The following GRM7 variants were observed in gnomAD, a reference collection of about 807,000 sequenced individuals.
The protein encoded by GRM7 is metabotropic glutamate receptor 7.
In GRM7, 35 loss-of-function variants were observed where a neutral mutation model predicts 84.5. The ratio of observed to expected loss-of-function variants is 0.41; its 90% CI spans 0.32 to 0.55. The LOEUF (loss-of-function observed/expected upper bound fraction) is 0.55. Among genes scored for constraint, GRM7 ranks in the 20% least tolerant of loss-of-function variants. The pLI, the probability that GRM7 is intolerant of heterozygous loss-of-function variation, is 0.19. For synonymous variants in GRM7, 487 were observed against 455.1 expected (o/e 1.07, Z -0.89); for missense variants, 1,003 against 1,194.6 (o/e 0.84, Z 2.36).
intron 1 of GRM7, among the ~76,000 whole-genome samples, chr3:6,914,243 C>T (rs1445467860): frequency 3.9e-5 from 6 of 152,106 alleles, no homozygotes; most frequent in African/African-American, 1.2e-4. Context: ...TGAAGTTCTT[C>T]AACTACTAAA....
At chr3:7,389,540 C>G (rs982922969) in intron 4 of GRM7, among the ~76,000 whole-genome samples, 3 of 152,098 alleles carry the variant, frequency 2.0e-5, no homozygotes, top group African/African-American at 7.2e-5. Context: ...AGTCCAGGTG[C>G]TCCAATGTTG....
intron 1 of GRM7, among the ~76,000 whole-genome samples, chr3:7,096,055 A>G (rs919832797): frequency 1.3e-5 from 2 of 152,118 alleles, no homozygotes; most frequent in African/African-American, 4.8e-5. Context: ...ATGTGAATCA[A>G]TTGTTTTATG....
At chr3:7,629,027 A>G (rs1385891332) in intron 8 of GRM7, among the ~76,000 whole-genome samples, 2 of 152,194 alleles carry the variant, frequency 1.3e-5, no homozygotes, top group African/African-American at 4.8e-5. Context: ...AATAATCTAG[A>G]AAAGGCACAA....
At chr3:7,347,575 A>G (rs527973424) in intron 4 of GRM7, among the ~76,000 whole-genome samples, 106 of 152,280 alleles carry the variant, frequency 7.0e-4, no homozygotes, top group Admixed American at 5.0e-3. Flanking sequence ...CGACCACAGT[A>G]TATTTTTGCC....
chr3:7,070,305 T>A (rs144184016), intron 1 of GRM7, among the ~76,000 whole-genome samples: 3 of 152,258 alleles, frequency 2.0e-5, no homozygotes, highest in African/African-American at 7.2e-5. Flanking sequence ...TGTTTAGAAT[T>A]TTCCAGGTAG....
intron 4 of GRM7, among the ~76,000 whole-genome samples, chr3:7,332,542 T>A (rs1444649384): frequency 6.6e-6 from 1 of 152,282 alleles, no homozygotes; most frequent in Non-Finnish European, 1.5e-5. Context: ...TCAGAATCAA[T>A]AACAACCAAG....
intron 1 of GRM7, among the ~76,000 whole-genome samples, chr3:6,876,195 G>A (rs1425687189): frequency 6.6e-6 from 1 of 151,828 alleles, no homozygotes; most frequent in African/African-American, 2.4e-5. Context: ...TTGAACCCGG[G>A]AGGCAGCGGT....
Position 6,863,488 on chromosome 3 carries a change from G to A in GRM7, c.519+1581G>A, listed in dbSNP as rs1257083692. Among the ~76,000 whole-genome samples the A allele has an allele frequency of 1.3e-5, 2 of 152,150 alleles. No homozygotes were observed. ...CCCATCCAAGGCTGCAGCTTGCATG[G>A]CCCCTCTGATCCTCTGAGCATCTCT... is the stretch of plus-strand genomic sequence containing the variant. On this transcript the variant is annotated intron_variant, in intron 1 of 9. Coordinates refer to ENST00000357716, the MANE Select transcript of GRM7 (RefSeq NM_000844.4). The surrounding 1 kb of genome is among the most constrained non-coding windows in gnomAD (Gnocchi z 4.8).
chr3:6,862,893 A>G lies in GRM7; in HGVS notation c.519+986A>G. On this transcript the variant is annotated intron_variant, in intron 1 of 9. Coordinates refer to ENST00000357716, the MANE Select transcript of GRM7 (RefSeq NM_000844.4). This position sits in a 1 kb window ranked among gnomAD's most constrained non-coding sequence, Gnocchi z 5.2. Reference sequence around the variant, plus strand: ...TCCGGTGCCGGAGGGAGACGGAGAAAAAATGGGAGGAAGGCGGATCCGGGG... The same window carrying G: ...TCCGGTGCCGGAGGGAGACGGAGAAGAAATGGGAGGAAGGCGGATCCGGGG... 2.4e-6 allele frequency: 1 copy of G among 416,144 alleles called. No homozygotes were observed. 25.8% of individuals were successfully genotyped at this position (416,144 alleles called of 1,614,324 possible). A position where few individuals can be genotyped will look rare whatever the true frequency, so the allele number is the denominator to read the frequency against.
chr3:7,273,223 A>C (rs1397618640), intron 2 of GRM7, among the ~76,000 whole-genome samples: 1 of 6,464 alleles, frequency 1.5e-4, no homozygotes, highest in Admixed American at 2.5e-3. Flanking sequence ...CAGACATTGT[A>C]TGATTTCTAA....
intron 7 of GRM7, among the ~76,000 whole-genome samples, chr3:7,554,683 C>G (rs1473750434): frequency 6.6e-6 from 1 of 152,144 alleles, no homozygotes; most frequent in African/African-American, 2.4e-5. Flanking sequence ...AGGTCCTGGG[C>G]TCCATTCAGT....
intron 1 of GRM7, among the ~76,000 whole-genome samples, chr3:6,877,487 C>A (rs1293150640): frequency 2.0e-5 from 3 of 152,114 alleles, no homozygotes; most frequent in Non-Finnish European, 4.4e-5. Context: ...ACCTGCCATC[C>A]CCTGCTACTC....
intron 1 of GRM7, among the ~76,000 whole-genome samples, chr3:6,988,846 A>G (rs1694524435): frequency 6.6e-6 from 1 of 152,154 alleles, no homozygotes; most frequent in Non-Finnish European, 1.5e-5. Flanking sequence ...CATATACACC[A>G]AAGGTAGGGT....
intron 8 of GRM7, among the ~76,000 whole-genome samples, chr3:7,642,347 G>C (rs144098703): frequency 3.9e-4 from 59 of 152,168 alleles, no homozygotes; most frequent in African/African-American, 1.3e-3. Context: ...AGTGGTAGAG[G>C]GAGAGGTAAG....
In GRM7 at chr3:6,862,079, G is replaced by T. The variant is rs564932971; in HGVS notation, c.519+172G>T. The stretch of plus-strand genomic sequence containing the variant: ...CTCGAGGAGATACCTTCCCTGCTTG[G>T]TTTATTTCCCTTCCATCTCTCCCCT... On this transcript the variant is annotated intron_variant, in intron 1 of 9. Coordinates refer to ENST00000357716, the MANE Select transcript of GRM7 (RefSeq NM_000844.4). The surrounding 1 kb of genome is among the most constrained non-coding windows in gnomAD (Gnocchi z 5.2). 6.6e-6 allele frequency among the ~76,000 whole-genome samples: 1 copy of T among 152,028 alleles called. No homozygotes were observed. The highest frequency in any genetic ancestry group is 2.1e-4 in the South Asian group (1 of 4,814).
intron 1 of GRM7, among the ~76,000 whole-genome samples, chr3:6,876,761 C>G (rs1451219041): frequency 6.6e-6 from 1 of 151,904 alleles, no homozygotes; most frequent in Non-Finnish European, 1.5e-5. Flanking sequence ...GTCACCACGC[C>G]CAGCTAATTT....
intron 1 of GRM7, among the ~76,000 whole-genome samples, chr3:6,873,069 A>G (rs1367032840): frequency 1.3e-5 from 2 of 151,544 alleles, no homozygotes; most frequent in African/African-American, 4.9e-5. Context: ...ACTAATTTTC[A>G]CTCCCACCAA....
intron 9 of GRM7, among the ~76,000 whole-genome samples, chr3:7,730,779 C>T (rs2106526624): frequency 6.6e-6 from 1 of 152,266 alleles, no homozygotes; most frequent in South Asian, 2.1e-4. Flanking sequence ...GATTGCACTG[C>T]ATTCATAATA....
rs141944930 is a variant in GRM7 at position 7,165,961 on chromosome 3, T to C, written c.736+19293T>C. Among the ~76,000 whole-genome samples, 29 of 152,340 alleles carry C rather than the reference T, an allele frequency of 1.9e-4. No homozygotes were observed. The East Asian group carries it at 5.6e-3, about 29-fold the overall frequency. On this transcript the variant is annotated intron_variant, in intron 2 of 9. Transcript: ENST00000357716. Reference sequence around the variant, plus strand: ...CTCAAGTACTTCGAAATATGTTATTTCTTTAATGTTAAAGAGAAAAACTTG... The same window carrying C: ...CTCAAGTACTTCGAAATATGTTATTCCTTTAATGTTAAAGAGAAAAACTTG...
Sources: gnomAD v4.1 joint callset for allele counts (sites outside exome capture counted in the v4.1 genomes callset) on GRCh38, gnomAD v4.1.1 for gene constraint, Gnocchi (gnomAD v3.1) non-coding constraint, MANE v1.5 for transcripts, NCBI Gene and HGNC (gene_info 2026-07-23, HGNC 2026-07-21) for gene names.